Variants in KIF1A observed in about 807,000 individuals in gnomAD.
KIF1A encodes the protein kinesin family member 1A.
KIF1A carries 46 observed loss-of-function variants against 227.3 expected under a neutral mutation model. The ratio of observed to expected loss-of-function variants is 0.20; its 90% confidence interval spans 0.16 to 0.26. The LOEUF (loss-of-function observed/expected upper bound fraction) is 0.26, where lower values mean the gene tolerates loss of function less well. Among genes scored for constraint, KIF1A ranks in the 10% least tolerant of loss-of-function variants. KIF1A has a pLI of 1.00. For missense variants in KIF1A, 1,683 were observed against 2,485.9 expected (o/e 0.68, Z 6.87); for synonymous variants, 1,022 against 1,012.8 (o/e 1.01, Z -0.17).
intron 38 of KIF1A, among the ~76,000 whole-genome samples, chr2:240,730,232 C>T (rs896226130): frequency 6.6e-6 from 1 of 152,196 alleles, no homozygotes; most frequent in Admixed American, 6.5e-5. Context: ...CCACACAGGA[C>T]CCACATGGGA....
rs958227502 is a variant in KIF1A, at chr2:240,790,281, T to C, written c.107-969A>G. On this transcript the variant is annotated intron_variant, in intron 2 of 48. Transcript: ENST00000498729. The surrounding 1 kb of genome is among the most constrained non-coding windows in gnomAD (Gnocchi z 5.0). ...AGGTTCTCACACCCAGGAGGAACAC[T>C]GGCCATTCCTGGTCAGGGAGCCCCC... Among the ~76,000 whole-genome samples the C allele has an allele frequency of 3.9e-5, 6 of 152,140 alleles. No individual in the cohort carries two copies. Among genetic ancestry groups the C allele is most frequent in the African/African-American group, 1.4e-4 (6 of 41,436 alleles).
chr2:240,768,666 C>G lies in KIF1A; in HGVS notation c.1497+467G>C, dbSNP rs1269307278. Among the ~76,000 whole-genome samples the G allele has an allele frequency of 2.0e-5, 3 of 152,178 alleles. 1 individual carries two copies. Among genetic ancestry groups the G allele is most frequent in the Non-Finnish European group, 4.4e-5 (3 of 68,030 alleles). On this transcript the variant is annotated intron_variant, in intron 17 of 48. Transcript: ENST00000498729. ...CAGGGGTTCTGTGCCATGTGAGGGC[C>G]TCCAGCTGAAAGACCCCTTAGGCCT...
At position 240,747,219 on chromosome 2, in the gene KIF1A, G is replaced by C. The variant is rs116040950; in HGVS notation, c.3063+17C>G. On this transcript the variant is annotated intron_variant, in intron 29 of 48. Coordinates refer to ENST00000498729, the MANE Select transcript of KIF1A (RefSeq NM_001244008.2). ...CCAGGCACCTCCAGGTCTGGGACTC[G>C]GGAGGGAGCTTGGTACCTTTTCAAA... 1 of 1,601,642 alleles carries C rather than the reference G, an allele frequency of 6.2e-7. No individual in the cohort carries two copies. Among genetic ancestry groups the C allele is most frequent in the Admixed American group, 1.7e-5 (1 of 59,894 alleles).
chr2:240,717,392 C>A lies in KIF1A; in HGVS notation c.5348G>T (p.Arg1783Ile), dbSNP rs1575509197. The change falls in exon 49 of 49, where the codon AGA becomes ATA. Residue 1783 changes from arginine (R) to isoleucine (I), a missense_variant. Transcript: ENST00000498729. ...GACCCGCATCTGGGCAGACCTCCTTCTGGAGAGCTTGGACCTGCAGAAGAG... is the reference window on the plus strand; with the variant it reads ...GACCCGCATCTGGGCAGACCTCCTTATGGAGAGCTTGGACCTGCAGAAGAG... ...LAGTIRSKLS[R>I]RRSAQMRV The A allele has an allele frequency of 6.2e-7, 1 of 1,611,878 alleles. No homozygotes were observed. Among genetic ancestry groups the A allele is most frequent in the Non-Finnish European group, 8.5e-7 (1 of 1,179,604 alleles).
intron 43 of KIF1A, 83 bp downstream of exon 43, chr2:240,722,373 C>G: frequency 7.4e-7 from 1 of 1,350,182 alleles, no homozygotes; most frequent in Non-Finnish European, 1.0e-6. Flanking sequence ...TGGGCAAGGC[C>G]GGGTTGCTGG....
At chr2:240,770,682 C>T (rs1425541186) in intron 15 of KIF1A, among the ~76,000 whole-genome samples, 3 of 152,246 alleles carry the variant, frequency 2.0e-5, no homozygotes, top group African/African-American at 7.2e-5. Context: ...ACAGGCCATC[C>T]AGACACCCAG....
chr2:240,813,551 A>C (rs1339608447), intron 1 of KIF1A, among the ~76,000 whole-genome samples: 1 of 152,168 alleles, frequency 6.6e-6, no homozygotes, highest in African/African-American at 2.4e-5. Flanking sequence ...CCATAGCAGG[A>C]GTGAAGCCTT....
In KIF1A at chr2:240,742,404, T is replaced by G. The variant is rs551534462; in HGVS notation, c.3640+525A>C. Reference sequence around the variant, plus strand: ...TTCAGCTCTCCCCCGACCATGTCCCTGGGTTTTGGTCTTGCAGGAAATAAA... The same window carrying G: ...TTCAGCTCTCCCCCGACCATGTCCCGGGGTTTTGGTCTTGCAGGAAATAAA... On this transcript the variant is annotated intron_variant, in intron 34 of 48. Coordinates refer to ENST00000498729, the MANE Select transcript of KIF1A (RefSeq NM_001244008.2). Among the ~76,000 whole-genome samples, 121 of 152,292 alleles carry G rather than the reference T, an allele frequency of 7.9e-4. 1 individual carries two copies. The highest frequency in any genetic ancestry group is 4.2e-3 in the Admixed American group (64 of 15,312).
chr2:240,730,650 G>A (rs2125662698), intron 38 of KIF1A, among the ~76,000 whole-genome samples: 1 of 152,328 alleles, frequency 6.6e-6, no homozygotes, highest in East Asian at 1.9e-4. Flanking sequence ...GATCCCAGCA[G>A]GAGACTTGAT....
chr2:240,774,780 C>A (rs550848345), intron 11 of KIF1A, among the ~76,000 whole-genome samples: 1 of 152,166 alleles, frequency 6.6e-6, no homozygotes, highest in Non-Finnish European at 1.5e-5. Flanking sequence ...GTCTAGGTAA[C>A]CTCAGCCATC....
intron 20 of KIF1A, among the ~76,000 whole-genome samples, 156 bp from the exon 21 acceptor site, chr2:240,763,502 A>G (rs1295648678): frequency 6.6e-6 from 1 of 152,138 alleles, no homozygotes; most frequent in Admixed American, 6.5e-5. Flanking sequence ...CTGGGACCTG[A>G]ATGTGTCTCC....
At position 240,775,985 on chromosome 2, in the gene KIF1A, A is replaced by T. The variant is rs1003213042; in HGVS notation, c.883-59T>A. 4.9e-6 allele frequency: 6 copies of T among 1,219,258 alleles called. No individual in the cohort carries two copies. In the Admixed American group the frequency reaches 8.7e-5, roughly 18 times the overall value. 75.5% of individuals were successfully genotyped at this position (1,219,258 alleles called of 1,614,324 possible). A position where few individuals can be genotyped will look rare whatever the true frequency, so the allele number is the denominator to read the frequency against. On this transcript the variant is annotated intron_variant, in intron 10 of 48. Transcript: ENST00000498729. This position sits in a 1 kb window ranked among gnomAD's most constrained non-coding sequence, Gnocchi z 5.5. The stretch of plus-strand genomic sequence containing the variant: ...GCCCACTGCAGAGGAAGCGAAAGGG[A>T]GGGGCCAGCGCAGGCCCTGCCAAGT...
At position 240,739,627 on chromosome 2, in the gene KIF1A, T is replaced by C. The variant is rs1396850944; in HGVS notation, c.3901+431A>G. On this transcript the variant is annotated intron_variant, in intron 37 of 48. Coordinates refer to ENST00000498729, the MANE Select transcript of KIF1A (RefSeq NM_001244008.2). This position sits in a 1 kb window ranked among gnomAD's most constrained non-coding sequence, Gnocchi z 5.6. The stretch of plus-strand genomic sequence containing the variant: ...AAGCCTGCGAAAATGCAGTGATGCG[T>C]CTGCAGGCCAGGGTCGCCCAAGATG... Among the ~76,000 whole-genome samples the C allele has an allele frequency of 6.6e-6, 1 of 152,090 alleles. No homozygotes were observed. Among genetic ancestry groups the C allele is most frequent in the Non-Finnish European group, 1.5e-5 (1 of 68,008 alleles).
At position 240,771,147 on chromosome 2, in the gene KIF1A, G is replaced by A. The variant is rs193201064; in HGVS notation, c.1208-43C>T. Reference sequence around the variant, plus strand: ...GGGGCTTCATTCACCGTCCCGCCACGGTTAAGGTTATTGTTCTCAAGGTCG... The same window carrying A: ...GGGGCTTCATTCACCGTCCCGCCACAGTTAAGGTTATTGTTCTCAAGGTCG... On this transcript the variant is annotated intron_variant, in intron 14 of 48. Coordinates refer to ENST00000498729, the MANE Select transcript of KIF1A (RefSeq NM_001244008.2). 208 of 1,612,818 alleles carry A rather than the reference G, an allele frequency of 1.3e-4. No homozygotes were observed. The African/African-American group carries it at 2.1e-3, about 16-fold the overall frequency.
At chr2:240,745,575 C>T in intron 31 of KIF1A, 58 bp from the exon 32 acceptor site, 4 of 1,511,532 alleles carry the variant, frequency 2.6e-6, no homozygotes, top group Non-Finnish European at 3.6e-6. Context: ...GAGACCTTAC[C>T]AGGTGGAACC....
At chr2:240,746,381 T>A (rs1237588122) in intron 29 of KIF1A, among the ~76,000 whole-genome samples, 1 of 152,182 alleles carries the variant, frequency 6.6e-6, no homozygotes, top group African/African-American at 2.4e-5. Context: ...TGGATGTGTG[T>A]CTTTGGATTC....
Position 240,774,012 on chromosome 2 carries a change from T to C in KIF1A, c.1037+171A>G, listed in dbSNP as rs2288751. Among the ~76,000 whole-genome samples, 69,426 of 152,112 alleles carry C rather than the reference T, an allele frequency of 0.46. 17,918 individuals are homozygous for C. Among genetic ancestry groups the C allele is most frequent in the African/African-American group, 0.71 (29,443 of 41,502 alleles). On this transcript the variant is annotated intron_variant, in intron 12 of 48. Coordinates refer to ENST00000498729, the MANE Select transcript of KIF1A (RefSeq NM_001244008.2). ...TCCATGGAGGGAATAGAACAGGGCC[T>C]ATGCAGGCCCAGGAGCCTCAGAACA...
In KIF1A at chr2:240,725,553, G is replaced by A; in HGVS notation, c.4123-149C>T. The A allele has an allele frequency of 1.3e-6, 1 of 797,478 alleles. No homozygotes were observed. The allele number at this position is 797,478 out of a possible 1,614,324, so 49.4% of individuals were successfully genotyped here. On this transcript the variant is annotated intron_variant, in intron 39 of 48. Transcript: ENST00000498729. The surrounding 1 kb of genome is among the most constrained non-coding windows in gnomAD (Gnocchi z 5.8). ...TCAGGTGTGGCCTGGACGCAGGCAG[G>A]AGAAAGTCTCTGCTCCTGCCCTCGA...
At chr2:240,721,103 G>T in intron 44 of KIF1A, 65 bp from the exon 45 acceptor site, 2 of 1,584,660 alleles carry the variant, frequency 1.3e-6, no homozygotes, top group Non-Finnish European at 1.7e-6. Context: ...TGTGGGAGCT[G>T]CTCCCTGTGC....
Sources: gnomAD v4.1 joint callset for allele counts (sites outside exome capture counted in the v4.1 genomes callset) on GRCh38, gnomAD v4.1.1 for gene constraint, Gnocchi (gnomAD v3.1) non-coding constraint, MANE v1.5 for transcripts, NCBI Gene and HGNC (gene_info 2026-07-23, HGNC 2026-07-21) for gene names.